Variants in ADARB2 observed in about 807,000 individuals in gnomAD.
ADARB2 encodes inactive double-stranded RNA-specific editase B2.
In ADARB2, 25 loss-of-function variants were observed where a neutral mutation model predicts 62.2. The ratio of observed to expected loss-of-function variants is 0.40; its 90% confidence interval spans 0.29 to 0.56. The LOEUF (loss-of-function observed/expected upper bound fraction) is 0.56. Ranked by LOEUF, ADARB2 falls within the 20% of genes least tolerant of loss-of-function variation. ADARB2 has a pLI of 0.43. For synonymous variants in ADARB2, 572 were observed against 500.8 expected, an observed-to-expected ratio of 1.14 and a Z score of -1.90; for missense variants, 1,071 against 1,077.4, an observed-to-expected ratio of 0.99 and a Z score of 0.08.
intron 1 of ADARB2, among the ~76,000 whole-genome samples, chr10:1,705,383 G>T (rs999389753): frequency 2.0e-5 from 3 of 152,176 alleles, no homozygotes; most frequent in African/African-American, 7.2e-5. Flanking sequence ...GGCACCAGGG[G>T]TCCTGGGGGA....
At chr10:1,326,742 C>A (rs1831850999) in intron 3 of ADARB2, among the ~76,000 whole-genome samples, 1 of 151,718 alleles carries the variant, frequency 6.6e-6, no homozygotes, top group Non-Finnish European at 1.5e-5. Flanking sequence ...TGGCACGGCG[C>A]CTCCCGACGG....
chr10:1,507,673 C>A (rs1202037618), intron 1 of ADARB2, among the ~76,000 whole-genome samples: 2 of 152,200 alleles, frequency 1.3e-5, no homozygotes, highest in Admixed American at 1.3e-4. Flanking sequence ...GTTCCAATGT[C>A]TTCCAGGACT....
chr10:1,347,759 TA>T lies in ADARB2; in HGVS notation c.1077+15268del, dbSNP rs368479859. ...GTAACGCCCTCCTCTGGACCCCACG[TA>T]CGCAGTGCACCGAAGGCACCCCCAG... On this transcript the variant is annotated intron_variant, in intron 3 of 9. Transcript: ENST00000381312. Among the ~76,000 whole-genome samples, 38 of 152,166 alleles carry T rather than the reference TA, an allele frequency of 2.5e-4. 1 individual carries two copies. In the South Asian group the frequency reaches 7.5e-3, roughly 30 times the overall value.
chr10:1,695,656 C>T (rs4440960), intron 1 of ADARB2, among the ~76,000 whole-genome samples: 109,626 of 152,054 alleles, frequency 0.72, 41,061 homozygotes, highest in East Asian at 0.97. Context: ...AACATGCATG[C>T]GAGAGCGTAT....
At chr10:1,348,920 G>A (rs1045429482) in intron 3 of ADARB2, among the ~76,000 whole-genome samples, 1 of 152,216 alleles carries the variant, frequency 6.6e-6, no homozygotes, top group Non-Finnish European at 1.5e-5. Flanking sequence ...ACCAGGTGCT[G>A]CGAGAACGAT....
intron 1 of ADARB2, among the ~76,000 whole-genome samples, chr10:1,493,746 T>TGAGA: frequency 2.0e-5 from 1 of 51,244 alleles, no homozygotes; most frequent in Non-Finnish European, 3.9e-5. Flanking sequence ...TTTTTTTTTT[T>TGAGA]TTTTTTTTTT....
chr10:1,623,121 A>T (rs904614858), intron 1 of ADARB2, among the ~76,000 whole-genome samples: 1 of 152,160 alleles, frequency 6.6e-6, no homozygotes, highest in African/African-American at 2.4e-5. Flanking sequence ...CCAAAAGAGG[A>T]AAATATTTAG....
chr10:1,448,833 C>T (rs1385680727), intron 1 of ADARB2, among the ~76,000 whole-genome samples: 1 of 152,050 alleles, frequency 6.6e-6, no homozygotes, highest in African/African-American at 2.4e-5. Context: ...ATCAAAGGAG[C>T]CATACCCCCC....
chr10:1,580,091 G>A (rs1833076769), intron 1 of ADARB2, among the ~76,000 whole-genome samples: 1 of 152,190 alleles, frequency 6.6e-6, no homozygotes, highest in East Asian at 1.9e-4. Context: ...TCTATGCTGT[G>A]TGCCAGATTT....
At chr10:1,614,897 CGA>C (rs1408312501) in intron 1 of ADARB2, among the ~76,000 whole-genome samples, 1 of 143,116 alleles carries the variant, frequency 7.0e-6, no homozygotes, top group Non-Finnish European at 1.5e-5. Flanking sequence ...GGTGACAGAG[CGA>C]GACTCTGACT....
rs151294663 is a variant in ADARB2, at chr10:1,658,353, TTC to T, written c.100+78696_100+78697del. ...TCTCTGTCTCTATCTGATTCTCTGA[TTC>T]TCTCTGTTTTTCTCTGTCTCTCTGT... On this transcript the variant is annotated intron_variant, in intron 1 of 9. Transcript: ENST00000381312. Among the ~76,000 whole-genome samples, 235 of 151,966 alleles carry T rather than the reference TTC, an allele frequency of 1.5e-3. 1 individual carries two copies. The highest frequency in any genetic ancestry group is 5.0e-3 in the African/African-American group (209 of 41,436).
At chr10:1,502,647 C>T (rs993351383) in intron 1 of ADARB2, among the ~76,000 whole-genome samples, 20 of 152,192 alleles carry the variant, frequency 1.3e-4, no homozygotes, top group Non-Finnish European at 2.5e-4. Context: ...GGCCTGTGGA[C>T]GGAAGTCTGA....
At chr10:1,606,673 G>A (rs1833497729) in intron 1 of ADARB2, among the ~76,000 whole-genome samples, 1 of 152,182 alleles carries the variant, frequency 6.6e-6, no homozygotes, top group Non-Finnish European at 1.5e-5. Flanking sequence ...AGCAGGTTTA[G>A]CGGTAGTAGA....
chr10:1,337,346 C>G (rs1396974990), intron 3 of ADARB2, among the ~76,000 whole-genome samples: 1 of 152,166 alleles, frequency 6.6e-6, no homozygotes. Flanking sequence ...AAGGTGCACA[C>G]TCACCTTAGA....
intron 3 of ADARB2, among the ~76,000 whole-genome samples, chr10:1,278,289 C>CTTTTT (rs76796387): frequency 7.1e-6 from 1 of 141,450 alleles, no homozygotes; most frequent in African/African-American, 2.6e-5. Context: ...TCCTTTTTTT[C>CTTTTT]TTTTTTTTTT....
chr10:1,490,433 A>T (rs1026298122), intron 1 of ADARB2, among the ~76,000 whole-genome samples: 3 of 152,052 alleles, frequency 2.0e-5, no homozygotes, highest in African/African-American at 7.2e-5. Context: ...TTCTTTTACT[A>T]CTGCTTTTAA....
In ADARB2 at chr10:1,371,239, T is replaced by C. The variant is rs570194789; in HGVS notation, c.188-7322A>G. ...ATGGTGCTGGGAAATTGGCTATCCA[T>C]ATGCAGAAGAATGAAACTGGACCCC... is the stretch of plus-strand genomic sequence containing the variant. On this transcript the variant is annotated intron_variant, in intron 2 of 9. Transcript: ENST00000381312. Among the ~76,000 whole-genome samples the C allele has an allele frequency of 4.6e-5, 7 of 152,336 alleles. No individual in the cohort carries two copies. The South Asian group carries it at 1.5e-3, about 32-fold the overall frequency.
intron 3 of ADARB2, among the ~76,000 whole-genome samples, chr10:1,289,759 G>GA (rs1385802306): frequency 5.3e-5 from 8 of 152,250 alleles, no homozygotes; most frequent in African/African-American, 1.9e-4. Context: ...CAGCCCCTGG[G>GA]GGGACCGCCC....
intron 1 of ADARB2, among the ~76,000 whole-genome samples, chr10:1,527,471 T>A (rs567118314): frequency 2.0e-5 from 3 of 152,306 alleles, no homozygotes; most frequent in Admixed American, 6.5e-5. Flanking sequence ...TCATTTTAAA[T>A]CAAGCAAACA....
Sources: allele counts gnomAD v4.1 joint callset (sites outside exome capture counted in the v4.1 genomes callset), GRCh38; gene constraint gnomAD v4.1.1; transcripts MANE v1.5; gene names NCBI Gene and HGNC (gene_info 2026-07-23, HGNC 2026-07-21).